SPINK7: variants seen among roughly 807,000 people sequenced by gnomAD.
SPINK7 encodes serine peptidase inhibitor Kazal type 7, also known as serine protease inhibitor Kazal-type 7.
Under a neutral mutation model 11.6 loss-of-function variants are expected in SPINK7, and 8 were observed. The observed-to-expected ratio is 0.69, with a 90% CI of 0.41 to 1.25. The LOEUF (loss-of-function observed/expected upper bound fraction) is 1.25, where lower values mean the gene tolerates loss of function less well. Among genes scored for constraint, SPINK7 ranks in the 50% most tolerant of loss-of-function variants. The probability of loss-of-function intolerance (pLI) is 0.01; values close to 1 mark genes in which losing one functional copy is unlikely to be tolerated. For missense variants in SPINK7, 113 were observed against 99.3 expected, an observed-to-expected ratio of 1.14 and a Z score of -0.58; for synonymous variants, 38 against 35.3, an observed-to-expected ratio of 1.08 and a Z score of -0.27.
chr5:148,315,877 A>G lies in SPINK7; in HGVS notation c.*193A>G, dbSNP rs1373202773. The G allele has an allele frequency of 2.8e-6, 1 of 352,668 alleles. No homozygotes were observed. The highest frequency in any genetic ancestry group is 2.1e-5 in the African/African-American group (1 of 46,576). The allele number at this position is 352,668 out of a possible 1,614,324, so 21.8% of individuals were successfully genotyped here. A position where few individuals can be genotyped will look rare whatever the true frequency, so the allele number is the denominator to read the frequency against. ...ACCCATGCCTCACTGACAGACCAGC[A>G]TTTTTTTTTTAACACGTCAATAAAA... On this transcript the variant is annotated 3_prime_UTR_variant, in exon 4 of 4. Transcript: ENST00000274565.
intron 2 of SPINK7, chr5:148,313,759 C>A (rs1257980508): frequency 4.6e-6 from 2 of 436,074 alleles, no homozygotes; most frequent in Non-Finnish European, 8.1e-6. Context: ...TTATCTTCAA[C>A]AAGTTATCTC....
chr5:148,313,531 T>G (rs1756889825), intron 2 of SPINK7, 132 bp downstream of exon 2: 1 of 536,180 alleles, frequency 1.9e-6, no homozygotes, highest in East Asian at 3.1e-5. Context: ...GTACCTGTTC[T>G]CCAGAAGGCA....
In SPINK7 at chr5:148,313,424, A is replaced by G. The variant is rs943696115; in HGVS notation, c.87+25A>G. 2.6e-6 allele frequency: 4 copies of G among 1,556,054 alleles called. No individual in the cohort carries two copies. In the African/African-American group the frequency reaches 5.4e-5, roughly 21 times the overall value. The stretch of plus-strand genomic sequence containing the variant: ...AGTAAGTATGTTGAATAACATTTTA[A>G]TGTCAATAACTATTGACTGTCATTT... On this transcript the variant is annotated intron_variant, in intron 2 of 3. Coordinates refer to ENST00000274565, the MANE Select transcript of SPINK7 (RefSeq NM_032566.3).
intron 2 of SPINK7, 113 bp from the exon 3 acceptor site, chr5:148,313,987 C>T: frequency 2.2e-6 from 3 of 1,367,252 alleles, no homozygotes; most frequent in Non-Finnish European, 3.1e-6. Context: ...AAAGAAGTGG[C>T]CAAGCAACAT....
rs868215396 is a variant in SPINK7 at position 148,315,542 on chromosome 5, G to C, written c.213-97G>C. On this transcript the variant is annotated intron_variant, in intron 3 of 3. Coordinates refer to ENST00000274565, the MANE Select transcript of SPINK7 (RefSeq NM_032566.3). ...CTCAGTTTCCTTATCTGTAAAATGA[G>C]GTGCTGCCTCATAATCTCTATAGTT... is the stretch of plus-strand genomic sequence containing the variant. 133 of 647,088 alleles carry C rather than the reference G, an allele frequency of 2.1e-4. No individual in the cohort carries two copies. The Middle Eastern group carries it at 5.4e-3, about 26-fold the overall frequency. The allele number at this position is 647,088 out of a possible 1,614,324, so 40.1% of individuals were successfully genotyped here. A position where few individuals can be genotyped will look rare whatever the true frequency, so the allele number is the denominator to read the frequency against.
chr5:148,315,147 T>C (rs1202181056), intron 3 of SPINK7, among the ~76,000 whole-genome samples: 1 of 152,188 alleles, frequency 6.6e-6, no homozygotes, highest in Non-Finnish European at 1.5e-5. Flanking sequence ...CATGTCTATG[T>C]ATTTATTCCT....
chr5:148,313,314 A>T, intron 1 of SPINK7, 60 bp from the exon 2 acceptor site: 1 of 1,320,068 alleles, frequency 7.6e-7, no homozygotes, highest in Non-Finnish European at 1.1e-6. Context: ...AACTTATATT[A>T]ATTAATGAGA....
At chr5:148,314,812 G>A (rs939353635) in intron 3 of SPINK7, among the ~76,000 whole-genome samples, 1 of 152,084 alleles carries the variant, frequency 6.6e-6, no homozygotes, top group Non-Finnish European at 1.5e-5. Flanking sequence ...GTAGCTTTAA[G>A]GGGGGAATAA....
At position 148,313,935 on chromosome 5, in the gene SPINK7, C is replaced by T. The variant is rs532198419; in HGVS notation, c.88-165C>T. On this transcript the variant is annotated intron_variant, in intron 2 of 3. Coordinates refer to ENST00000274565, the MANE Select transcript of SPINK7 (RefSeq NM_032566.3). ...GAGTGTAGCAGAAAAAAATAGAATA[C>T]CAGTAGTGCTAGTATTTGTCATAGT... 58 of 771,128 alleles carry T rather than the reference C, an allele frequency of 7.5e-5. No individual in the cohort carries two copies. The East Asian group carries it at 1.4e-3, about 19-fold the overall frequency. 47.8% of individuals were successfully genotyped at this position (771,128 alleles called of 1,614,324 possible). A position where few individuals can be genotyped will look rare whatever the true frequency, so the allele number is the denominator to read the frequency against.
chr5:148,314,805 G>A (rs927986949), intron 3 of SPINK7, among the ~76,000 whole-genome samples: 6 of 152,100 alleles, frequency 3.9e-5, no homozygotes, highest in African/African-American at 1.4e-4. Context: ...AGTATCTGTA[G>A]CTTTAAGGGG....
rs556370904 is a variant in SPINK7, at chr5:148,314,280, C to T, written c.212+56C>T. The T allele has an allele frequency of 1.8e-4, 289 of 1,582,948 alleles. 2 individuals carry two copies. The highest frequency in any genetic ancestry group is 1.2e-3 in the South Asian group (108 of 89,608). ...TGGAGTCAGTGCTCTCTACTACAAACGCTTCTACTTTCCAGGATCCAGCTT... is the reference window on the plus strand; with the variant it reads ...TGGAGTCAGTGCTCTCTACTACAAATGCTTCTACTTTCCAGGATCCAGCTT... On this transcript the variant is annotated intron_variant, in intron 3 of 3. Coordinates refer to ENST00000274565, the MANE Select transcript of SPINK7 (RefSeq NM_032566.3).
Position 148,315,714 on chromosome 5 carries a change from G to T in SPINK7, c.*30G>T. 7.4e-7 allele frequency: 1 copy of T among 1,348,632 alleles called. No homozygotes were observed. Among genetic ancestry groups the T allele is most frequent in the Non-Finnish European group, 1.1e-6 (1 of 951,808 alleles). The allele number at this position is 1,348,632 out of a possible 1,614,324, so 83.5% of individuals were successfully genotyped here. On this transcript the variant is annotated 3_prime_UTR_variant, in exon 4 of 4. Transcript: ENST00000274565. ...TCCATGGACATAGAGAGAAAGGAATGATATTCTCATCATCATCTTCATCAT... is the reference window on the plus strand; with the variant it reads ...TCCATGGACATAGAGAGAAAGGAATTATATTCTCATCATCATCTTCATCAT...
intron 3 of SPINK7, among the ~76,000 whole-genome samples, chr5:148,314,670 A>G (rs1756906860): frequency 6.6e-6 from 1 of 152,046 alleles, no homozygotes; most frequent in Admixed American, 6.6e-5. Context: ...CACCCCCCAT[A>G]AAATAATTGA....
intron 2 of SPINK7, 131 bp from the exon 3 acceptor site, chr5:148,313,969 T>C (rs1396393055): frequency 1.9e-6 from 2 of 1,063,616 alleles, no homozygotes; most frequent in Non-Finnish European, 2.8e-6. Context: ...GTGATAACAC[T>C]AGTACTTAAA....
Position 148,312,525 on chromosome 5 carries a change from C to T in SPINK7, c.42C>T (p.Val14=), listed in dbSNP as rs748190694. The change falls in exon 1 of 4, where the codon GTC becomes GTT. Residue 14 remains valine, a synonymous_variant. Transcript: ENST00000274565. ...GTCTCCTTCTGCTCTGTACAGTGGT[C>T]TATTTCTGTAGCAGCTCAGGTAAGT... ...TGGLLLLCTV[V]YFCSSSEAAS... 3 of 1,608,316 alleles carry T rather than the reference C, an allele frequency of 1.9e-6. No individual in the cohort carries two copies. The Admixed American group carries it at 5.0e-5, about 27-fold the overall frequency.
intron 3 of SPINK7, 25 bp from the exon 4 acceptor site, chr5:148,315,614 T>G: frequency 1.3e-6 from 2 of 1,532,092 alleles, no homozygotes; most frequent in Non-Finnish European, 1.8e-6. Context: ...TGCTAATGAA[T>G]CTTGTGAACT....
At chr5:148,314,732 C>A (rs1190153279) in intron 3 of SPINK7, among the ~76,000 whole-genome samples, 1 of 152,086 alleles carries the variant, frequency 6.6e-6, no homozygotes, top group Non-Finnish European at 1.5e-5. Flanking sequence ...ATCCTCACTG[C>A]AGCTTGATTC....
intron 3 of SPINK7, chr5:148,314,465 G>A (rs1010398792): frequency 7.3e-6 from 4 of 551,110 alleles, no homozygotes; most frequent in African/African-American, 3.8e-5. Flanking sequence ...TCTGTCAATT[G>A]TGAGAATCCA....
intron 1 of SPINK7, among the ~76,000 whole-genome samples, 190 bp from the exon 2 acceptor site, chr5:148,313,184 G>A (rs1756882408): frequency 6.6e-6 from 1 of 151,942 alleles, no homozygotes; most frequent in Non-Finnish European, 1.5e-5. Context: ...CCTAAACCAA[G>A]GGTTAACCTA....
Sources: gnomAD v4.1 joint callset for allele counts (sites outside exome capture counted in the v4.1 genomes callset) on GRCh38, gnomAD v4.1.1 for gene constraint, MANE v1.5 for transcripts, NCBI Gene and HGNC (gene_info 2026-07-23, HGNC 2026-07-21) for gene names.